Variants in IQCK observed in about 807,000 individuals in gnomAD.
The protein encoded by IQCK is IQ motif containing K, also known as IQ domain-containing protein K.
A neutral mutation model predicts 28.1 loss-of-function variants in IQCK; 29 were observed. That is an observed-to-expected ratio of 1.03 (90% CI 0.77 to 1.41). The LOEUF is 1.41. Ranked by LOEUF, IQCK falls within the 40% of genes most tolerant of loss-of-function variation. The pLI is 0.00. For synonymous variants in IQCK, 113 were observed against 115.1 expected (o/e 0.98, Z 0.12); for missense variants, 359 against 314.7 (o/e 1.14, Z -1.07).
At chr16:19,756,659 A>G (rs536752573) in intron 4 of IQCK, among the ~76,000 whole-genome samples, 1 of 152,036 alleles carries the variant, frequency 6.6e-6, no homozygotes, top group South Asian at 2.1e-4. Flanking sequence ...GGCCGAGGCC[A>G]GCGGATCATG....
Position 19,827,138 on chromosome 16 carries a change from G to GT in IQCK, c.804dup (p.Lys269Ter), listed in dbSNP as rs1202402019. ...TTCTGGGCCAAGCAAGAACAAAAAGGTAAGTTGCTGGATTCACTGTCCTTA... is the reference window on the plus strand; with the variant it reads ...TTCTGGGCCAAGCAAGAACAAAAAGGTTAAGTTGCTGGATTCACTGTCCTTA... On this transcript the variant is annotated frameshift_variant, in exon 8 of 8. Coordinates refer to ENST00000564186, the Ensembl canonical transcript of IQCK. LOFTEE classifies it low-confidence loss of function (END_TRUNC). 3.1e-6 allele frequency: 5 copies of GT among 1,596,284 alleles called. No homozygotes were observed. Among genetic ancestry groups the GT allele is most frequent in the Non-Finnish European group, 4.3e-6 (5 of 1,163,760 alleles).
intron 7 of IQCK, among the ~76,000 whole-genome samples, chr16:19,819,276 T>C (rs1248899689): frequency 2.6e-5 from 4 of 151,870 alleles, no homozygotes; most frequent in African/African-American, 9.7e-5. Flanking sequence ...GCAGATCACT[T>C]GAGGTCAGGA....
intron 7 of IQCK, among the ~76,000 whole-genome samples, chr16:19,810,587 C>T (rs978005565): frequency 2.0e-5 from 3 of 151,214 alleles, no homozygotes; most frequent in Middle Eastern, 3.2e-3. Flanking sequence ...CCAAGGCGGG[C>T]GGATCACCTG....
At chr16:19,826,073 C>G (rs2056144881) in intron 7 of IQCK, among the ~76,000 whole-genome samples, 1 of 152,148 alleles carries the variant, frequency 6.6e-6, no homozygotes, top group African/African-American at 2.4e-5. Context: ...GTGGCACAAT[C>G]TTGGCTTACT....
chr16:19,718,542 C>A (rs1214329341), intron 1 of IQCK, 55 bp downstream of exon 1: 1 of 1,468,682 alleles, frequency 6.8e-7, no homozygotes, highest in African/African-American at 1.4e-5. Flanking sequence ...GGACGGGGGC[C>A]GCGTTTGGGG....
In IQCK at chr16:19,784,831, C is replaced by T. The variant is rs541609191; in HGVS notation, c.606-4007C>T. Among the ~76,000 whole-genome samples the T allele has an allele frequency of 2.1e-4, 32 of 152,268 alleles. No individual in the cohort carries two copies. In the South Asian group the frequency reaches 2.5e-3, roughly 12 times the overall value. On this transcript the variant is annotated intron_variant, in intron 6 of 7. Transcript: ENST00000564186. ...TTGCCCAGGCTGGAGTGCAGTGGCA[C>T]GATCTTGGCTCACTGCAACCTCTGC...
At chr16:19,756,912 AAAG>A (rs1470137802) in intron 4 of IQCK, among the ~76,000 whole-genome samples, 24 of 151,112 alleles carry the variant, frequency 1.6e-4, no homozygotes, top group Admixed American at 8.6e-4. Context: ...AAAAAAAAAA[AAAG>A]AAAGAGGCTC....
chr16:19,834,598 C>T (rs2141102412), intron 9 of IQCK, among the ~76,000 whole-genome samples: 1 of 152,326 alleles, frequency 6.6e-6, no homozygotes, highest in South Asian at 2.1e-4. Flanking sequence ...ATAGGGGAGG[C>T]TTGGCAGTAG....
intron 4 of IQCK, among the ~76,000 whole-genome samples, chr16:19,756,182 A>G (rs1401085676): frequency 1.3e-5 from 2 of 152,056 alleles, no homozygotes; most frequent in Non-Finnish European, 2.9e-5. Context: ...TCAATCAATC[A>G]ATCAATCGGC....
intron 4 of IQCK, among the ~76,000 whole-genome samples, chr16:19,760,714 A>G (rs1240898489): frequency 6.6e-6 from 1 of 152,178 alleles, no homozygotes; most frequent in African/African-American, 2.4e-5. Flanking sequence ...TCCAGACCCC[A>G]AGAGAGTTCT....
chr16:19,842,896 T>C (rs1417337668), intron 9 of IQCK, among the ~76,000 whole-genome samples: 1 of 152,174 alleles, frequency 6.6e-6, no homozygotes, highest in Admixed American at 6.5e-5. Context: ...ACAGACAGCT[T>C]GTGAATCTCA....
chr16:19,755,024 GA>G (rs112177103), intron 4 of IQCK, among the ~76,000 whole-genome samples: 21 of 150,612 alleles, frequency 1.4e-4, no homozygotes, highest in South Asian at 4.2e-4. Flanking sequence ...CTTCTCAATG[GA>G]AAAAAAAATG....
At chr16:19,768,605 G>A (rs1486875812) in intron 6 of IQCK, among the ~76,000 whole-genome samples, 2 of 152,076 alleles carry the variant, frequency 1.3e-5, no homozygotes, top group Admixed American at 6.5e-5. Flanking sequence ...AATTAGCTGG[G>A]CATGGTGGTG....
intron 6 of IQCK, among the ~76,000 whole-genome samples, chr16:19,773,261 A>G (rs2055342214): frequency 6.6e-6 from 1 of 152,152 alleles, no homozygotes; most frequent in Non-Finnish European, 1.5e-5. Context: ...TGGCAGGTGC[A>G]GCCCAACTGA....
chr16:19,720,511 G>A (rs942875902), intron 1 of IQCK, among the ~76,000 whole-genome samples: 4 of 152,230 alleles, frequency 2.6e-5, no homozygotes, highest in Non-Finnish European at 5.9e-5. Context: ...GACCAAGTAA[G>A]ATAATGTATG....
intron 9 of IQCK, among the ~76,000 whole-genome samples, chr16:19,839,144 AATTT>A (rs147206898): frequency 0.31 from 46,813 of 148,738 alleles, 7,857 homozygotes; most frequent in East Asian, 0.52. Flanking sequence ...GAACTGAGAA[AATTT>A]ATTTATTTAT....
chr16:19,764,117 G>GT lies in IQCK; in HGVS notation c.605+6dup. 3 of 1,602,822 alleles carry GT rather than the reference G, an allele frequency of 1.9e-6. No homozygotes were observed. The highest frequency in any genetic ancestry group is 2.6e-6 in the Non-Finnish European group (3 of 1,170,452). On this transcript the variant is annotated splice_donor_region_variant and intron_variant, in intron 6 of 7. Coordinates refer to ENST00000564186, the Ensembl canonical transcript of IQCK. The stretch of plus-strand genomic sequence containing the variant: ...GGAGGAGCGGCTAAAGCAACAGTGA[G>GT]TATGACACAAGGCTTTGAATAATTT...
At chr16:19,824,440 C>T (rs2056117406) in intron 7 of IQCK, among the ~76,000 whole-genome samples, 1 of 152,210 alleles carries the variant, frequency 6.6e-6, no homozygotes, top group Non-Finnish European at 1.5e-5. Flanking sequence ...TCGCCACTCA[C>T]CTTCTGTTGT....
chr16:19,857,629 G>GC (rs999237262), exon 10 of IQCK: 24 of 290,644 alleles, frequency 8.3e-5, no homozygotes, highest in Non-Finnish European at 1.4e-4. Context: ...GATTATAAAA[G>GC]CCACAATGCT....
Sources: allele counts gnomAD v4.1 joint callset (sites outside exome capture counted in the v4.1 genomes callset), GRCh38; gene constraint gnomAD v4.1.1; transcripts MANE v1.5; gene names NCBI Gene and HGNC (gene_info 2026-07-23, HGNC 2026-07-21).